Variants in SLFN5 observed in about 807,000 individuals in gnomAD.
The protein encoded by SLFN5 is schlafen family member 5.
SLFN5 carries 34 observed loss-of-function variants against 48.5 expected under a neutral mutation model. The ratio of observed to expected loss-of-function variants is 0.70; its 90% CI spans 0.53 to 0.93. SLFN5 has a LOEUF of 0.93. Among genes scored for constraint, SLFN5 ranks in the 40% least tolerant of loss-of-function variants. SLFN5 has a pLI of 0.00. For synonymous variants in SLFN5, 387 were observed against 396.2 expected (o/e 0.98, Z 0.28); for missense variants, 1,006 against 1,071.3 (o/e 0.94, Z 0.85).
At chr17:35,260,704 C>T (rs982613087) in intron 2 of SLFN5, among the ~76,000 whole-genome samples, 5 of 152,056 alleles carry the variant, frequency 3.3e-5, no homozygotes, top group African/African-American at 1.2e-4. Context: ...CAGAGTGAGA[C>T]TGTTTCAATA....
chr17:35,257,844 A>G (rs545565468), intron 1 of SLFN5, among the ~76,000 whole-genome samples: 2 of 152,320 alleles, frequency 1.3e-5, no homozygotes, highest in South Asian at 4.1e-4. Context: ...AGGCTACAAA[A>G]TAATCTGAAA....
At position 35,266,073 on chromosome 17, in the gene SLFN5, C is replaced by T. The variant is rs1904676682; in HGVS notation, c.*185C>T. 1 of 608,754 alleles carries T rather than the reference C, an allele frequency of 1.6e-6. No homozygotes were observed. The highest frequency in any genetic ancestry group is 2.8e-5 in the East Asian group (1 of 35,220). 37.7% of individuals were successfully genotyped at this position (608,754 alleles called of 1,614,324 possible). A position where few individuals can be genotyped will look rare whatever the true frequency, so the allele number is the denominator to read the frequency against. ...GGCAGAGACAGACCACTGACAAATA[C>T]ACAGATAGACAAGGAATTTCCCATG... is the stretch of plus-strand genomic sequence containing the variant. On this transcript the variant is annotated 3_prime_UTR_variant, in exon 5 of 5. Coordinates refer to ENST00000299977, the MANE Select transcript of SLFN5 (RefSeq NM_144975.4).
In SLFN5 at chr17:35,269,953, A is replaced by C. The variant is rs1309029934; in HGVS notation, c.*4065A>C. 1.3e-5 allele frequency: 2 copies of C among 152,176 alleles called. No individual in the cohort carries two copies. Among genetic ancestry groups the C allele is most frequent in the Non-Finnish European group, 2.9e-5 (2 of 68,026 alleles). 9.4% of individuals were successfully genotyped at this position (152,176 alleles called of 1,614,324 possible). ...CTTCAAACATTTTATGCTTTTTGTA[A>C]TTTAGTCATTTTAATATTAGATAAA... On this transcript the variant is annotated 3_prime_UTR_variant, in exon 5 of 5. Transcript: ENST00000299977.
At chr17:35,249,664 A>G (rs2092438065) in intron 1 of SLFN5, among the ~76,000 whole-genome samples, 1 of 152,214 alleles carries the variant, frequency 6.6e-6, no homozygotes, top group Admixed American at 6.5e-5. Flanking sequence ...ACTGAAAAAC[A>G]TTCCTTCCTC....
At chr17:35,264,087 G>A (rs1904600909) in intron 3 of SLFN5, 96 bp from the exon 4 acceptor site, 2 of 1,407,244 alleles carry the variant, frequency 1.4e-6, no homozygotes, top group South Asian at 2.9e-5. Context: ...TAGATACATA[G>A]TAGAGTCCCA....
rs549394203 is a variant in SLFN5, at chr17:35,246,778, C to A, written c.-41+3635C>A. ...GCTGAGGCAGGAGAATCGCTTGAACCCAAGGGGTGGAGGTTCCAGTGACCG... is the reference window on the plus strand; with the variant it reads ...GCTGAGGCAGGAGAATCGCTTGAACACAAGGGGTGGAGGTTCCAGTGACCG... On this transcript the variant is annotated intron_variant, in intron 1 of 4. Transcript: ENST00000299977. Among the ~76,000 whole-genome samples the A allele has an allele frequency of 4.4e-4, 67 of 151,944 alleles. 1 individual carries two copies. The highest frequency in any genetic ancestry group is 1.4e-3 in the African/African-American group (58 of 41,410).
chr17:35,248,402 TAAAC>T (rs998806465), intron 1 of SLFN5, among the ~76,000 whole-genome samples: 1 of 152,136 alleles, frequency 6.6e-6, no homozygotes, highest in African/African-American at 2.4e-5. Context: ...TTGACACACT[TAAAC>T]AACAACAAAC....
intron 1 of SLFN5, among the ~76,000 whole-genome samples, chr17:35,244,405 G>GGGA (rs1208453122): frequency 1.3e-5 from 2 of 152,082 alleles, no homozygotes; most frequent in Admixed American, 1.3e-4. Flanking sequence ...AATAGCGGGT[G>GGGA]GGAGGGCGTT....
rs1904725127 is a variant in SLFN5, at chr17:35,267,348, G to A, written c.*1460G>A. 1 of 152,112 alleles carries A rather than the reference G, an allele frequency of 6.6e-6. No homozygotes were observed. The highest frequency in any genetic ancestry group is 1.5e-5 in the Non-Finnish European group (1 of 68,010). 9.4% of individuals were successfully genotyped at this position (152,112 alleles called of 1,614,324 possible). A position where few individuals can be genotyped will look rare whatever the true frequency, so the allele number is the denominator to read the frequency against. ...TACCAGCAACAGAGAAGCAAAGAAT[G>A]GAGTTCAACCTTACACTATAAACAT... On this transcript the variant is annotated 3_prime_UTR_variant, in exon 5 of 5. Transcript: ENST00000299977.
Position 35,269,264 on chromosome 17 carries a change from G to A in SLFN5, c.*3376G>A, listed in dbSNP as rs574427587. The A allele has an allele frequency of 5.3e-5, 8 of 152,254 alleles. No individual in the cohort carries two copies. The highest frequency in any genetic ancestry group is 6.5e-5 in the Admixed American group (1 of 15,296). 9.4% of individuals were successfully genotyped at this position (152,254 alleles called of 1,614,324 possible). On this transcript the variant is annotated 3_prime_UTR_variant, in exon 5 of 5. Transcript: ENST00000299977. ...ACCCATGAATCATTCTTGAAGAAAA[G>A]TTACTCAGTAAGGAAATCTAGCTAA... is the stretch of plus-strand genomic sequence containing the variant.
chr17:35,260,681 C>G (rs1254360673), intron 2 of SLFN5, among the ~76,000 whole-genome samples: 1 of 151,952 alleles, frequency 6.6e-6, no homozygotes, highest in Non-Finnish European at 1.5e-5. Flanking sequence ...CCACTGCACT[C>G]CAGCCTGGGC....
intron 2 of SLFN5, 83 bp downstream of exon 2, chr17:35,259,785 T>C (rs936048961): frequency 7.1e-5 from 103 of 1,456,566 alleles, no homozygotes; most frequent in Non-Finnish European, 9.0e-5. Context: ...GGATATGGTA[T>C]TCCTTGGAAT....
intron 1 of SLFN5, among the ~76,000 whole-genome samples, chr17:35,246,369 C>T (rs2092430616): frequency 6.6e-6 from 1 of 151,996 alleles, no homozygotes; most frequent in South Asian, 2.1e-4. Flanking sequence ...AAATGTGTTG[C>T]CATGGTGGTT....
Position 35,265,887 on chromosome 17 carries a change from G to T in SLFN5, c.2675G>T (p.Ter892LeuextTer6). Residue 892 changes from the stop codon to leucine (L), a stop_lost, in exon 5 of 5, where the codon TGA becomes TTA. Coordinates refer to ENST00000299977, the MANE Select transcript of SLFN5 (RefSeq NM_144975.4). ...RHLYILKASV[*>L] The stretch of plus-strand genomic sequence containing the variant: ...CTGTATATTCTGAAGGCTTCTGTGT[G>T]ACAGGAAACCCAAGCCTAAGAAACA... The T allele has an allele frequency of 6.3e-7, 1 of 1,577,188 alleles. No individual in the cohort carries two copies. The highest frequency in any genetic ancestry group is 1.2e-5 in the South Asian group (1 of 85,462).
At chr17:35,263,422 C>T (rs1258256409) in intron 3 of SLFN5, among the ~76,000 whole-genome samples, 2 of 151,992 alleles carry the variant, frequency 1.3e-5, no homozygotes, top group Non-Finnish European at 2.9e-5. Flanking sequence ...TGAGCCACCA[C>T]GCCCGGCTTC....
chr17:35,254,478 A>G (rs1202636657), intron 1 of SLFN5, among the ~76,000 whole-genome samples: 1 of 152,210 alleles, frequency 6.6e-6, no homozygotes, highest in Non-Finnish European at 1.5e-5. Flanking sequence ...TGCAGGGGGC[A>G]GGGCAAAGAC....
At position 35,271,197 on chromosome 17, in the gene SLFN5, A is replaced by G. The variant is rs1904822010; in HGVS notation, c.*5309A>G. The G allele has an allele frequency of 6.6e-6, 1 of 152,244 alleles. No homozygotes were observed. Among genetic ancestry groups the G allele is most frequent in the South Asian group, 2.1e-4 (1 of 4,834 alleles). 9.4% of individuals were successfully genotyped at this position (152,244 alleles called of 1,614,324 possible). ...GAACAAGTAGGAATAATGTACTTAT[A>G]GTATTCATCTTCATACAGGGATGGA... On this transcript the variant is annotated 3_prime_UTR_variant, in exon 5 of 5. Coordinates refer to ENST00000299977, the MANE Select transcript of SLFN5 (RefSeq NM_144975.4).
chr17:35,266,142 A>G lies in SLFN5; in HGVS notation c.*254A>G, dbSNP rs72825914. On this transcript the variant is annotated 3_prime_UTR_variant, in exon 5 of 5. Transcript: ENST00000299977. ...AATTAGAGGACCGTGAGACTCAGAG[A>G]TGTGTGTGTGTGTGTGTGTGTGTGT... 0.15 allele frequency: 36,738 copies of G among 240,408 alleles called. 2,942 individuals carry two copies. The highest frequency in any genetic ancestry group is 0.2 in the South Asian group (2,715 of 13,258). The allele number at this position is 240,408 out of a possible 1,614,324, so 14.9% of individuals were successfully genotyped here.
rs1055488329 is a variant in SLFN5, at chr17:35,270,123, T to C, written c.*4235T>C. 2 of 152,082 alleles carry C rather than the reference T, an allele frequency of 1.3e-5. No homozygotes were observed. The highest frequency in any genetic ancestry group is 4.8e-5 in the African/African-American group (2 of 41,428). The allele number at this position is 152,082 out of a possible 1,614,324, so 9.4% of individuals were successfully genotyped here. The stretch of plus-strand genomic sequence containing the variant: ...AAATATTATGTATCATATCCTTCGA[T>C]TTAACATAATTCTATCTAGCTGTTC... On this transcript the variant is annotated 3_prime_UTR_variant, in exon 5 of 5. Coordinates refer to ENST00000299977, the MANE Select transcript of SLFN5 (RefSeq NM_144975.4).
Sources: gnomAD v4.1 joint callset for allele counts (sites outside exome capture counted in the v4.1 genomes callset) on GRCh38, gnomAD v4.1.1 for gene constraint, MANE v1.5 for transcripts, NCBI Gene and HGNC (gene_info 2026-07-23, HGNC 2026-07-21) for gene names.